Variants in EIF2AK2 observed in about 807,000 individuals in gnomAD.
EIF2AK2 encodes the protein eukaryotic translation initiation factor 2 alpha kinase 2.
Under a neutral mutation model 70.5 loss-of-function variants are expected in EIF2AK2, and 40 were observed. The ratio of observed to expected loss-of-function variants is 0.57; its 90% confidence interval spans 0.44 to 0.74. EIF2AK2 has a LOEUF of 0.74. Among genes scored for constraint, EIF2AK2 ranks in the 30% least tolerant of loss-of-function variants. The pLI is 0.00. For missense variants in EIF2AK2, 555 were observed against 644.3 expected (o/e 0.86, Z 1.50); for synonymous variants, 198 against 220.9 (o/e 0.90, Z 0.92).
At chr2:37,124,743 T>C (rs1361018220) in intron 11 of EIF2AK2, among the ~76,000 whole-genome samples, 2 of 151,128 alleles carry the variant, frequency 1.3e-5, no homozygotes, top group Non-Finnish European at 1.5e-5. Context: ...TTTTTTTTTT[T>C]TGGAGATAGG....
intron 13 of EIF2AK2, among the ~76,000 whole-genome samples, chr2:37,115,696 C>G (rs1235098900): frequency 6.6e-6 from 1 of 151,980 alleles, no homozygotes; most frequent in African/African-American, 2.4e-5. Context: ...CGGAATGGGT[C>G]CATTCCCAAC....
chr2:37,134,915 TC>T (rs1317264493), intron 10 of EIF2AK2, among the ~76,000 whole-genome samples: 2 of 152,210 alleles, frequency 1.3e-5, no homozygotes, highest in African/African-American at 4.8e-5. Flanking sequence ...AGGAGGGCCA[TC>T]CACGTCATTC....
chr2:37,123,569 G>A (rs1165404488), intron 11 of EIF2AK2, among the ~76,000 whole-genome samples: 1 of 152,132 alleles, frequency 6.6e-6, no homozygotes, highest in Non-Finnish European at 1.5e-5. Flanking sequence ...GACCCAGCCA[G>A]TGCAATTTTT....
At chr2:37,132,346 C>A (rs2046379725) in intron 10 of EIF2AK2, among the ~76,000 whole-genome samples, 1 of 152,240 alleles carries the variant, frequency 6.6e-6, no homozygotes, top group Non-Finnish European at 1.5e-5. Flanking sequence ...AATCCCAACA[C>A]TTTGGGAGGC....
intron 1 of EIF2AK2, among the ~76,000 whole-genome samples, chr2:37,154,266 G>A (rs141177510): frequency 0.037 from 5,543 of 151,786 alleles, 325 homozygotes; most frequent in African/African-American, 0.13. Flanking sequence ...TGGAGGTTGC[G>A]GTGAGCTGAG....
In EIF2AK2 at chr2:37,120,770, C is replaced by A. The variant is rs191852976; in HGVS notation, c.1068-631G>T. On this transcript the variant is annotated intron_variant, in intron 12 of 16. Coordinates refer to ENST00000233057, the MANE Select transcript of EIF2AK2 (RefSeq NM_001135651.3). Reference sequence around the variant, plus strand: ...TTGAGCTCAGGAGTTTGAGACCAGCCTGGGCAGCATGGCGAAACCCCATCT... The same window carrying A: ...TTGAGCTCAGGAGTTTGAGACCAGCATGGGCAGCATGGCGAAACCCCATCT... Among the ~76,000 whole-genome samples, 164 of 148,080 alleles carry A rather than the reference C, an allele frequency of 1.1e-3. 2 individuals carry two copies. Among genetic ancestry groups the A allele is most frequent in the African/African-American group, 3.8e-3 (156 of 40,916 alleles).
intron 10 of EIF2AK2, among the ~76,000 whole-genome samples, chr2:37,131,883 GCAA>G (rs949447863): frequency 1.3e-5 from 2 of 151,954 alleles, no homozygotes; most frequent in Non-Finnish European, 1.5e-5. Flanking sequence ...ATTAACCCTA[GCAA>G]AAAACACACA....
chr2:37,116,410 C>G (rs1298858666), intron 13 of EIF2AK2, among the ~76,000 whole-genome samples: 1 of 152,132 alleles, frequency 6.6e-6, no homozygotes, highest in African/African-American at 2.4e-5. Context: ...ACCACAAAAA[C>G]AGGAAGGTAG....
intron 6 of EIF2AK2, 89 bp downstream of exon 6, chr2:37,139,542 T>G (rs763334874): frequency 6.6e-7 from 1 of 1,523,190 alleles, no homozygotes; most frequent in Non-Finnish European, 8.9e-7. Flanking sequence ...TCACTGGCTG[T>G]CTTGGCATAA....
chr2:37,117,241 A>G (rs1044580751), intron 13 of EIF2AK2, among the ~76,000 whole-genome samples: 3 of 150,838 alleles, frequency 2.0e-5, no homozygotes, highest in African/African-American at 7.3e-5. Context: ...AAAAGAAAAA[A>G]AGAAAAGAAA....
At chr2:37,146,096 TTAGA>T (rs1258873810) in intron 4 of EIF2AK2, among the ~76,000 whole-genome samples, 2 of 152,114 alleles carry the variant, frequency 1.3e-5, no homozygotes, top group Non-Finnish European at 2.9e-5. Flanking sequence ...TTTTCTGTGT[TTAGA>T]TATGTTTAGA....
At chr2:37,152,410 T>C (rs1316195667) in intron 1 of EIF2AK2, among the ~76,000 whole-genome samples, 5 of 152,090 alleles carry the variant, frequency 3.3e-5, no homozygotes. Context: ...GCCTCTCAAG[T>C]AGCTGGGACT....
At chr2:37,123,202 C>T (rs1002754598) in intron 11 of EIF2AK2, among the ~76,000 whole-genome samples, 1 of 151,848 alleles carries the variant, frequency 6.6e-6, no homozygotes, top group Non-Finnish European at 1.5e-5. Flanking sequence ...CGACTTAATG[C>T]CAAGCATCAG....
At chr2:37,109,166 TTTAA>T (rs777002057) in intron 15 of EIF2AK2, 24 bp downstream of exon 15, 33 of 1,609,074 alleles carry the variant, frequency 2.1e-5, no homozygotes, top group Middle Eastern at 1.6e-4. Flanking sequence ...ATTTTTCTTG[TTTAA>T]TTCTTTCTTT....
intron 4 of EIF2AK2, among the ~76,000 whole-genome samples, chr2:37,143,428 C>T (rs972038831): frequency 6.6e-6 from 1 of 152,140 alleles, no homozygotes; most frequent in Non-Finnish European, 1.5e-5. Context: ...TTCTCCATTA[C>T]CTGCTCTCTG....
chr2:37,126,145 A>C, intron 11 of EIF2AK2, 144 bp downstream of exon 11: 2 of 1,123,106 alleles, frequency 1.8e-6, no homozygotes, highest in South Asian at 4.6e-5. Context: ...GAGTAAGCCA[A>C]ACTCCTCTTG....
Position 37,113,587 on chromosome 2 carries a change from T to C in EIF2AK2, c.1377+1144A>G, listed in dbSNP as rs547269259. On this transcript the variant is annotated intron_variant, in intron 14 of 16. Coordinates refer to ENST00000233057, the MANE Select transcript of EIF2AK2 (RefSeq NM_001135651.3). ...AATCAAGGAGAAAAATTCTATAATATAGTTAACAGATACGGGATCAACACC... is the reference window on the plus strand; with the variant it reads ...AATCAAGGAGAAAAATTCTATAATACAGTTAACAGATACGGGATCAACACC... Among the ~76,000 whole-genome samples the C allele has an allele frequency of 5.6e-4, 83 of 147,280 alleles. No homozygotes were observed. The South Asian group carries it at 0.017, about 29-fold the overall frequency.
intron 2 of EIF2AK2, 138 bp from the exon 3 acceptor site, chr2:37,147,960 G>T: frequency 4.0e-6 from 2 of 506,174 alleles, no homozygotes; most frequent in South Asian, 3.3e-5. Context: ...TAAATGCAGA[G>T]ACTTTCTTTC....
chr2:37,136,807 A>G, intron 9 of EIF2AK2, 176 bp downstream of exon 9: 1 of 531,536 alleles, frequency 1.9e-6, no homozygotes. Flanking sequence ...TAGCATGTGC[A>G]CATAGTCAAA....
Sources: allele counts gnomAD v4.1 joint callset (sites outside exome capture counted in the v4.1 genomes callset), GRCh38; gene constraint gnomAD v4.1.1; transcripts MANE v1.5; gene names NCBI Gene and HGNC (gene_info 2026-07-23, HGNC 2026-07-21).